Variants in CD96 observed in about 807,000 individuals in gnomAD.
CD96 encodes CD96 molecule.
Under a neutral mutation model 71.3 loss-of-function variants are expected in CD96, and 70 were observed. The ratio of observed to expected loss-of-function variants is 0.98; its 90% CI spans 0.81 to 1.20. CD96 has a LOEUF of 1.20. CD96 is among the 50% of genes most tolerant of loss of function. The pLI is 0.00. For synonymous variants in CD96, 248 were observed against 233.0 expected (o/e 1.06, Z -0.59); for missense variants, 742 against 677.5 (o/e 1.10, Z -1.06).
chr3:111,547,836 TAAAATAGA>T (rs527480567), intron 2 of CD96, among the ~76,000 whole-genome samples: 2 of 151,732 alleles, frequency 1.3e-5, no homozygotes, highest in Admixed American at 1.3e-4. Context: ...ACAAAGGGAG[TAAAATAGA>T]AAAGAGCAAA....
intron 12 of CD96, 82 bp downstream of exon 12, chr3:111,638,250 C>A: frequency 1.1e-6 from 1 of 884,278 alleles, no homozygotes; most frequent in Non-Finnish European, 1.9e-6. Flanking sequence ...ATTTGCCAGG[C>A]ATTATGCCAG....
At chr3:111,606,846 T>C (rs558364743) in intron 8 of CD96, 54 bp downstream of exon 8, 250 of 1,071,466 alleles carry the variant, frequency 2.3e-4, no homozygotes, top group Admixed American at 3.0e-4. Context: ...TTGATAACGA[T>C]AAAATTTCAG....
intron 3 of CD96, 60 bp from the exon 4 acceptor site, chr3:111,578,967 G>A (rs2107583344): frequency 1.2e-6 from 1 of 830,738 alleles, no homozygotes; most frequent in Non-Finnish European, 2.1e-6. Flanking sequence ...CTTGTCGAAT[G>A]CCTAGTTCAG....
At chr3:111,664,696 G>C (rs1440026479) in intron 14 of CD96, among the ~76,000 whole-genome samples, 2 of 152,092 alleles carry the variant, frequency 1.3e-5, no homozygotes, top group African/African-American at 2.4e-5. Context: ...TATTAAAAAG[G>C]GAGAGAGGAC....
chr3:111,599,220 A>G (rs1226071994), intron 6 of CD96, among the ~76,000 whole-genome samples: 1 of 152,068 alleles, frequency 6.6e-6, no homozygotes, highest in Non-Finnish European at 1.5e-5. Flanking sequence ...CGCCCGCCTC[A>G]GCCTCCCAAA....
At chr3:111,552,887 A>T (rs1314505034) in intron 2 of CD96, among the ~76,000 whole-genome samples, 1 of 152,184 alleles carries the variant, frequency 6.6e-6, no homozygotes, top group African/African-American at 2.4e-5. Context: ...ATATACAAAA[A>T]ATACATAGAA....
At chr3:111,624,193 T>G (rs928145719) in intron 9 of CD96, 140 bp from the exon 10 acceptor site, 1 of 707,022 alleles carries the variant, frequency 1.4e-6, no homozygotes, top group African/African-American at 1.8e-5. Flanking sequence ...ATATGCCAGC[T>G]AGTGTTCCTG....
intron 14 of CD96, among the ~76,000 whole-genome samples, chr3:111,664,795 T>A (rs182623386): frequency 6.6e-6 from 1 of 152,326 alleles, no homozygotes; most frequent in Admixed American, 6.5e-5. Flanking sequence ...TTGATTGCAA[T>A]ACCTAACTCT....
chr3:111,579,455 A>T (rs1936370957), intron 4 of CD96: 1 of 619,706 alleles, frequency 1.6e-6, no homozygotes. Context: ...TACAGAAGCC[A>T]ATAATTTTCT....
chr3:111,594,219 GTTCT>G, intron 5 of CD96: 1 of 1,568,288 alleles, frequency 6.4e-7, no homozygotes, highest in Non-Finnish European at 8.6e-7. Flanking sequence ...CTTCTACAGC[GTTCT>G]TTATGATGTG....
At chr3:111,632,595 C>T (rs1244494963) in intron 10 of CD96, among the ~76,000 whole-genome samples, 5 of 152,098 alleles carry the variant, frequency 3.3e-5, no homozygotes, top group South Asian at 2.1e-4. Flanking sequence ...AAATATCATT[C>T]GACCCAGCAA....
At chr3:111,647,453 A>G in intron 12 of CD96, 90 bp from the exon 13 acceptor site, 1 of 1,186,428 alleles carries the variant, frequency 8.4e-7, no homozygotes, top group South Asian at 1.2e-5. Context: ...GTTGAAGAAA[A>G]TATGTTTCAC....
At chr3:111,562,126 T>A (rs1198332781) in intron 2 of CD96, among the ~76,000 whole-genome samples, 1 of 152,240 alleles carries the variant, frequency 6.6e-6, no homozygotes, top group Non-Finnish European at 1.5e-5. Flanking sequence ...CCTAGTGAGA[T>A]GAACCCAGTA....
At chr3:111,575,089 C>A (rs1249659729) in intron 3 of CD96, among the ~76,000 whole-genome samples, 1 of 152,160 alleles carries the variant, frequency 6.6e-6, no homozygotes, top group Non-Finnish European at 1.5e-5. Flanking sequence ...CCACCAAATC[C>A]AGCCCTTAAG....
intron 4 of CD96, among the ~76,000 whole-genome samples, chr3:111,580,103 C>A (rs1212287582): frequency 6.6e-6 from 1 of 152,178 alleles, no homozygotes; most frequent in Non-Finnish European, 1.5e-5. Flanking sequence ...TTCCTCCTCC[C>A]CTGCTATCCT....
intron 10 of CD96, among the ~76,000 whole-genome samples, chr3:111,632,632 G>T (rs1939125867): frequency 6.6e-6 from 1 of 152,120 alleles, no homozygotes; most frequent in African/African-American, 2.4e-5. Flanking sequence ...ATACCCAAAG[G>T]AATATAAATC....
chr3:111,596,365 A>G (rs916777127), intron 5 of CD96, among the ~76,000 whole-genome samples: 1 of 152,112 alleles, frequency 6.6e-6, no homozygotes, highest in Non-Finnish European at 1.5e-5. Flanking sequence ...TGGAACGCAA[A>G]GTCTAGAGAG....
rs114497874 is a variant in CD96, at chr3:111,608,686, G to A, written c.1180+1894G>A. On this transcript the variant is annotated intron_variant, in intron 8 of 13. Coordinates refer to ENST00000352690, the MANE Select transcript of CD96 (RefSeq NM_005816.5). ...TTTCTCCAGTTGGTCTAAACATATCGTGAGAACAGGAACCGTATTTGTTTT... is the reference window on the plus strand; with the variant it reads ...TTTCTCCAGTTGGTCTAAACATATCATGAGAACAGGAACCGTATTTGTTTT... 1.6e-3 allele frequency among the ~76,000 whole-genome samples: 245 copies of A among 152,268 alleles called. 1 individual carries two copies. Among genetic ancestry groups the A allele is most frequent in the African/African-American group, 5.5e-3 (228 of 41,542 alleles).
At chr3:111,597,059 G>A (rs1369636308) in intron 5 of CD96, among the ~76,000 whole-genome samples, 1 of 152,166 alleles carries the variant, frequency 6.6e-6, no homozygotes. Flanking sequence ...GACTTCTTGG[G>A]AGTAACTAGT....
Sources: allele counts gnomAD v4.1 joint callset (sites outside exome capture counted in the v4.1 genomes callset), GRCh38; gene constraint gnomAD v4.1.1; transcripts MANE v1.5; gene names NCBI Gene and HGNC (gene_info 2026-07-23, HGNC 2026-07-21).